GNG12: variants seen among roughly 807,000 people sequenced by gnomAD.
GNG12 encodes guanine nucleotide-binding protein G(I)/G(S)/G(O) subunit gamma-12.
For synonymous variants in GNG12, 28 were observed against 29.7 expected (o/e 0.94, Z 0.19); for missense variants, 69 against 83.8 (o/e 0.82, Z 0.69).
intron 1 of GNG12, among the ~76,000 whole-genome samples, chr1:67,831,180 C>T (rs930376518): frequency 5.3e-5 from 8 of 152,174 alleles, no homozygotes; most frequent in African/African-American, 1.9e-4. Flanking sequence ...TAAGCTTAAG[C>T]TGACATAAAA....
At chr1:67,728,783 T>C (rs1366139429) in intron 2 of GNG12, among the ~76,000 whole-genome samples, 1 of 152,116 alleles carries the variant, frequency 6.6e-6, no homozygotes, top group African/African-American at 2.4e-5. Flanking sequence ...GAGAAAATAG[T>C]GTTAATGAAT....
intron 1 of GNG12, among the ~76,000 whole-genome samples, chr1:67,820,759 T>C (rs577200711): frequency 1.3e-5 from 2 of 152,350 alleles, no homozygotes; most frequent in South Asian, 2.1e-4. Flanking sequence ...GCTCAGCTAC[T>C]ATAAGGAGTG....
chr1:67,783,507 G>T (rs1052336939), intron 1 of GNG12, among the ~76,000 whole-genome samples: 9 of 152,052 alleles, frequency 5.9e-5, no homozygotes, highest in African/African-American at 2.2e-4. Flanking sequence ...CACAGCAAAA[G>T]AAACTACCAT....
intron 2 of GNG12, among the ~76,000 whole-genome samples, chr1:67,756,833 G>A (rs900592479): frequency 2.0e-5 from 3 of 152,122 alleles, no homozygotes; most frequent in African/African-American, 2.4e-5. Flanking sequence ...TGGTCTGCCC[G>A]GGTCATCTGC....
At chr1:67,723,492 T>C (rs903286244) in intron 2 of GNG12, among the ~76,000 whole-genome samples, 1 of 152,192 alleles carries the variant, frequency 6.6e-6, no homozygotes, top group African/African-American at 2.4e-5. Context: ...TGTATGAATT[T>C]TAGGGGATTT....
intron 2 of GNG12, among the ~76,000 whole-genome samples, chr1:67,747,183 G>A (rs1343924988): frequency 2.0e-5 from 3 of 152,114 alleles, no homozygotes; most frequent in Non-Finnish European, 2.9e-5. Context: ...GCAATGGTGC[G>A]GTCTCAGCTC....
At chr1:67,808,940 G>T (rs1646908248) in intron 1 of GNG12, among the ~76,000 whole-genome samples, 1 of 152,064 alleles carries the variant, frequency 6.6e-6, no homozygotes, top group South Asian at 2.1e-4. Context: ...TAAACAAACT[G>T]AATCTAAAGT....
At chr1:67,827,084 G>C (rs1309457036) in intron 1 of GNG12, among the ~76,000 whole-genome samples, 4 of 152,222 alleles carry the variant, frequency 2.6e-5, no homozygotes, top group Non-Finnish European at 5.9e-5. Flanking sequence ...CACAATGCAA[G>C]TGCAGAGATG....
At chr1:67,808,147 A>C (rs1207574784) in intron 1 of GNG12, among the ~76,000 whole-genome samples, 1 of 152,160 alleles carries the variant, frequency 6.6e-6, no homozygotes, top group Non-Finnish European at 1.5e-5. Flanking sequence ...AGGCTGGTTC[A>C]ATATTTGAAA....
chr1:67,760,430 C>T (rs1371631708), intron 2 of GNG12, among the ~76,000 whole-genome samples: 5 of 151,952 alleles, frequency 3.3e-5, no homozygotes, highest in Non-Finnish European at 7.4e-5. Flanking sequence ...GATATTTGAC[C>T]AACCACGACA....
At chr1:67,820,197 T>C (rs1646977167) in intron 1 of GNG12, among the ~76,000 whole-genome samples, 1 of 152,048 alleles carries the variant, frequency 6.6e-6, no homozygotes, top group South Asian at 2.1e-4. Flanking sequence ...AAGACCAGCC[T>C]GACCAATATG....
intron 1 of GNG12, among the ~76,000 whole-genome samples, chr1:67,777,803 G>A (rs911522885): frequency 2.0e-5 from 3 of 152,112 alleles, no homozygotes; most frequent in East Asian, 3.9e-4. Context: ...CTCTCTAGCC[G>A]TTGCCCTTGC....
chr1:67,816,321 A>G (rs1557626402), intron 1 of GNG12, among the ~76,000 whole-genome samples: 1 of 152,152 alleles, frequency 6.6e-6, no homozygotes, highest in Non-Finnish European at 1.5e-5. Flanking sequence ...GCAGAGTGCA[A>G]AGGGCACCCT....
intron 2 of GNG12, among the ~76,000 whole-genome samples, chr1:67,710,096 A>G (rs1248965328): frequency 3.3e-5 from 1 of 30,546 alleles, no homozygotes; most frequent in Non-Finnish European, 6.4e-5. Context: ...ATAGTTATAT[A>G]TATAGTTATA....
chr1:67,823,529 T>G (rs2100824950), intron 1 of GNG12, among the ~76,000 whole-genome samples: 1 of 152,144 alleles, frequency 6.6e-6, no homozygotes, highest in East Asian at 1.9e-4. Flanking sequence ...GGTCAACAAA[T>G]GCCCACAGGA....
In GNG12 at chr1:67,781,712, G is replaced by C. The variant is rs182617967; in HGVS notation, c.-76-4205C>G. On this transcript the variant is annotated intron_variant, in intron 1 of 3. Coordinates refer to ENST00000370982, the MANE Select transcript of GNG12 (RefSeq NM_018841.6). The stretch of plus-strand genomic sequence containing the variant: ...TGAGATATGGTACCTCAGATGGAGA[G>C]AAGTAGATGAATTCAGTATAGGTTC... 2.0e-5 allele frequency among the ~76,000 whole-genome samples: 3 copies of C among 152,254 alleles called. No homozygotes were observed. In the East Asian group the frequency reaches 5.8e-4, roughly 29 times the overall value.
At chr1:67,772,132 A>G (rs1032048428) in intron 2 of GNG12, among the ~76,000 whole-genome samples, 17 of 152,236 alleles carry the variant, frequency 1.1e-4, no homozygotes, top group Admixed American at 1.1e-3. Context: ...GTCCTGTGAC[A>G]TAATGATGGA....
intron 2 of GNG12, among the ~76,000 whole-genome samples, chr1:67,763,473 C>G (rs1186402175): frequency 1.3e-5 from 2 of 151,204 alleles, no homozygotes; most frequent in African/African-American, 4.9e-5. Context: ...ATGTTTTTTC[C>G]TGATTCGATG....
rs1646240521 is a variant in GNG12, at chr1:67,705,364, A to G, written c.*87T>C. The G allele has an allele frequency of 6.5e-7, 1 of 1,538,464 alleles. No individual in the cohort carries two copies. ...AACATTTTAGTTATTAGCAGTGGTT[A>G]CCAAATAAGCTGAAGGTAAATCTCT... On this transcript the variant is annotated 3_prime_UTR_variant, in exon 4 of 4. Transcript: ENST00000370982.
Sources: gnomAD v4.1 joint callset for allele counts (sites outside exome capture counted in the v4.1 genomes callset) on GRCh38, gnomAD v4.1.1 for gene constraint, MANE v1.5 for transcripts, NCBI Gene and HGNC (gene_info 2026-07-23, HGNC 2026-07-21) for gene names.